The following RSL1D1 variants were observed in gnomAD, a reference collection of about 807,000 sequenced individuals.
RSL1D1 encodes ribosomal L1 domain containing 1.
In RSL1D1, 34 loss-of-function variants were observed where a neutral mutation model predicts 44.6. That is an observed-to-expected ratio of 0.76 (90% CI 0.58 to 1.02). The LOEUF (loss-of-function observed/expected upper bound fraction) is 1.02. Among genes scored for constraint, RSL1D1 ranks in the 50% least tolerant of loss-of-function variants. The pLI is 0.00. For synonymous variants in RSL1D1, 271 were observed against 207.4 expected (o/e 1.31, Z -2.63); for missense variants, 767 against 568.1 (o/e 1.35, Z -3.56).
Position 11,839,924 on chromosome 16 carries a change from CTCT to C in RSL1D1, c.914_916del (p.Lys305del), listed in dbSNP as rs778925486. On this transcript the variant is annotated inframe_deletion, in exon 8 of 9. Transcript: ENST00000571133. ...TGATGCAGTCTTCCTAGCCTGCTGC[CTCT>C]TCTTCTTCCTCTCCTTTTGTTTTTC... 1.8e-4 allele frequency: 295 copies of C among 1,613,788 alleles called. 3 individuals carry two copies. The Admixed American group carries it at 2.1e-3, about 12-fold the overall frequency.
chr16:11,836,181 T>A lies in RSL1D1; in HGVS notation c.*1606A>T, dbSNP rs2053716051. ...TTTGTTGGATTACCAATAAATAGTG[T>A]GGGCTCCCAGAGCTCACGGCCTTCA... On this transcript the variant is annotated 3_prime_UTR_variant, in exon 9 of 9. Coordinates refer to ENST00000571133, the MANE Select transcript of RSL1D1 (RefSeq NM_015659.3). 1 of 152,234 alleles carries A rather than the reference T, an allele frequency of 6.6e-6. No homozygotes were observed. The highest frequency in any genetic ancestry group is 2.4e-5 in the African/African-American group (1 of 41,462). The allele number at this position is 152,234 out of a possible 1,614,324, so 9.4% of individuals were successfully genotyped here.
In RSL1D1 at chr16:11,834,317, A is replaced by C. The variant is rs759437667; in HGVS notation, c.*3470T>G. 6.6e-5 allele frequency: 10 copies of C among 152,252 alleles called. No homozygotes were observed. The highest frequency in any genetic ancestry group is 1.2e-4 in the Non-Finnish European group (8 of 68,046). 9.4% of individuals were successfully genotyped at this position (152,252 alleles called of 1,614,324 possible). A position where few individuals can be genotyped will look rare whatever the true frequency, so the allele number is the denominator to read the frequency against. On this transcript the variant is annotated 3_prime_UTR_variant, in exon 9 of 9. Coordinates refer to ENST00000571133, the MANE Select transcript of RSL1D1 (RefSeq NM_015659.3). Reference sequence around the variant, plus strand: ...TACAGTACTCATTACATGTGTCAACACTTTATTATAAGATAGGTTTTATGT... The same window carrying C: ...TACAGTACTCATTACATGTGTCAACCCTTTATTATAAGATAGGTTTTATGT...
In RSL1D1 at chr16:11,849,373, C is replaced by G. The variant is rs1421508459; in HGVS notation, c.245+906G>C. ...ATTGTACTCCAGCTGGGCAACAGCG[C>G]AAGATCTCGTCTCTTAAAAAAAAAA... On this transcript the variant is annotated intron_variant, in intron 2 of 8. Coordinates refer to ENST00000571133, the MANE Select transcript of RSL1D1 (RefSeq NM_015659.3). 3 of 140,566 alleles carry G rather than the reference C, an allele frequency of 2.1e-5. No individual in the cohort carries two copies. The Admixed American group carries it at 2.3e-4, about 11-fold the overall frequency. 8.7% of individuals were successfully genotyped at this position (140,566 alleles called of 1,614,324 possible). A position where few individuals can be genotyped will look rare whatever the true frequency, so the allele number is the denominator to read the frequency against.
chr16:11,846,566 TAA>T lies in RSL1D1; in HGVS notation c.568_569del (p.Leu190IlefsTer6). ...PVSVNLLSKN[L>X]SREINDCIGG... ...CTATACAGTCATTGATCTCTCTTGA[TAA>T]ATTCTTGGACAGAAGGTTTACAGAT... On this transcript the variant is annotated frameshift_variant, in exon 5 of 9. Coordinates refer to ENST00000571133, the MANE Select transcript of RSL1D1 (RefSeq NM_015659.3). LOFTEE classifies it high-confidence loss of function. The T allele has an allele frequency of 6.2e-7, 1 of 1,608,910 alleles. No homozygotes were observed. The highest frequency in any genetic ancestry group is 8.5e-7 in the Non-Finnish European group (1 of 1,177,728).
intron 5 of RSL1D1, 88 bp downstream of exon 5, chr16:11,846,410 AAAC>A: frequency 1.3e-6 from 1 of 782,490 alleles, no homozygotes; most frequent in Non-Finnish European, 2.0e-6. Flanking sequence ...AAAAAAACAA[AAAC>A]AAAAAACAAA....
intron 5 of RSL1D1, among the ~76,000 whole-genome samples, chr16:11,844,610 G>C (rs971194478): frequency 6.6e-6 from 1 of 152,182 alleles, no homozygotes; most frequent in African/African-American, 2.4e-5. Context: ...CCAGTACCCT[G>C]CTCTGCTCTA....
rs1459541007 is a variant in RSL1D1, at chr16:11,847,794, A to G, written c.258T>C (p.His86=). The change falls in exon 3 of 9, where the codon CAT becomes CAC. Residue 86 remains histidine (H), a synonymous_variant. Transcript: ENST00000571133. ...TATCTTCTGAATCTGATCGAATACT[A>G]TGAGGCAAGGTCCTACAAAATACGT... The part of the protein sequence containing the change: ...KELRVRLTLP[H]SIRSDSEDIC... 1 of 1,613,280 alleles carries G rather than the reference A, an allele frequency of 6.2e-7. No homozygotes were observed. Among genetic ancestry groups the G allele is most frequent in the Non-Finnish European group, 8.5e-7 (1 of 1,179,734 alleles).
At chr16:11,845,329 T>C (rs2053790229) in intron 5 of RSL1D1, among the ~76,000 whole-genome samples, 1 of 152,196 alleles carries the variant, frequency 6.6e-6, no homozygotes, top group Non-Finnish European at 1.5e-5. Context: ...GATGTGTGTC[T>C]GTAGTCCCAG....
rs1206493522 is a variant in RSL1D1, at chr16:11,835,759, T to G, written c.*2028A>C. On this transcript the variant is annotated 3_prime_UTR_variant, in exon 9 of 9. Transcript: ENST00000571133. The stretch of plus-strand genomic sequence containing the variant: ...GCGTTCCAAAGTGCTGGGATTATGT[T>G]GCGAAAAGCTGAGTGTTGGGAGAAG... 2.0e-5 allele frequency: 3 copies of G among 152,398 alleles called. No individual in the cohort carries two copies. The highest frequency in any genetic ancestry group is 7.2e-5 in the African/African-American group (3 of 41,440). The allele number at this position is 152,398 out of a possible 1,614,324, so 9.4% of individuals were successfully genotyped here.
At chr16:11,840,155 A>C (rs981626388) in intron 7 of RSL1D1, among the ~76,000 whole-genome samples, 170 bp from the exon 8 acceptor site, 2 of 152,208 alleles carry the variant, frequency 1.3e-5, no homozygotes, top group Non-Finnish European at 2.9e-5. Context: ...GCAGTTTTTG[A>C]CTCACAGCCA....
At chr16:11,839,652 C>A in intron 8 of RSL1D1, 43 bp downstream of exon 8, 1 of 1,603,330 alleles carries the variant, frequency 6.2e-7, no homozygotes, top group South Asian at 1.1e-5. Flanking sequence ...ACACAGTAGC[C>A]ACTGAACCAA....
Position 11,836,778 on chromosome 16 carries a change from C to G in RSL1D1, c.*1009G>C, listed in dbSNP as rs896558825. ...GCTCAGCATGAAAGCCAAGAAACTT[C>G]TGTTTCTCCTAAATTCCGTAGCCGA... is the stretch of plus-strand genomic sequence containing the variant. On this transcript the variant is annotated 3_prime_UTR_variant, in exon 9 of 9. Transcript: ENST00000571133. The G allele has an allele frequency of 1.3e-5, 2 of 152,114 alleles. No homozygotes were observed. 9.4% of individuals were successfully genotyped at this position (152,114 alleles called of 1,614,324 possible). A position where few individuals can be genotyped will look rare whatever the true frequency, so the allele number is the denominator to read the frequency against.
rs546149861 is a variant in RSL1D1, at chr16:11,850,475, T to G, written c.106-57A>C. 307 of 1,537,076 alleles carry G rather than the reference T, an allele frequency of 2.0e-4. No homozygotes were observed. In the African/African-American group the frequency reaches 3.8e-3, roughly 19 times the overall value. On this transcript the variant is annotated intron_variant, in intron 1 of 8. Transcript: ENST00000571133. ...ATGTTTTCACAATAACTTACACAAA[T>G]AAATGAAATGTTCTCAATCTAATTT...
At chr16:11,850,646 C>A (rs953141668) in intron 1 of RSL1D1, among the ~76,000 whole-genome samples, 11 of 152,136 alleles carry the variant, frequency 7.2e-5, no homozygotes, top group African/African-American at 2.4e-4. Flanking sequence ...GTACCCACTT[C>A]CAGTACTGTG....
intron 2 of RSL1D1, among the ~76,000 whole-genome samples, chr16:11,849,577 T>C (rs1029349335): frequency 1.3e-5 from 2 of 152,170 alleles, no homozygotes; most frequent in Admixed American, 6.6e-5. Context: ...TTCTTTTCCA[T>C]AGACAGAAAT....
In RSL1D1 at chr16:11,837,724, C is replaced by T; in HGVS notation, c.*63G>A. On this transcript the variant is annotated 3_prime_UTR_variant, in exon 9 of 9. Coordinates refer to ENST00000571133, the MANE Select transcript of RSL1D1 (RefSeq NM_015659.3). Reference sequence around the variant, plus strand: ...AGAAGGTTACAAAGGCGGCCAGGATCTGAGTATTTCCAAAAAGCTCTGGAG... The same window carrying T: ...AGAAGGTTACAAAGGCGGCCAGGATTTGAGTATTTCCAAAAAGCTCTGGAG... 1 of 1,407,514 alleles carries T rather than the reference C, an allele frequency of 7.1e-7. No individual in the cohort carries two copies. Among genetic ancestry groups the T allele is most frequent in the Non-Finnish European group, 9.7e-7 (1 of 1,026,772 alleles). The allele number at this position is 1,407,514 out of a possible 1,614,324, so 87.2% of individuals were successfully genotyped here. A position where few individuals can be genotyped will look rare whatever the true frequency, so the allele number is the denominator to read the frequency against.
At chr16:11,850,028 T>G (rs959826221) in intron 2 of RSL1D1, among the ~76,000 whole-genome samples, 1 of 152,150 alleles carries the variant, frequency 6.6e-6, no homozygotes, top group African/African-American at 2.4e-5. Flanking sequence ...GGTTTTACCA[T>G]GTTGGCCAGG....
chr16:11,845,275 A>C (rs2053789846), intron 5 of RSL1D1, among the ~76,000 whole-genome samples: 1 of 152,170 alleles, frequency 6.6e-6, no homozygotes, highest in South Asian at 2.1e-4. Flanking sequence ...CAAAATAGTG[A>C]GACCCCGCCG....
Position 11,836,156 on chromosome 16 carries a change from T to C in RSL1D1, c.*1631A>G, listed in dbSNP as rs140138351. 84 of 152,360 alleles carry C rather than the reference T, an allele frequency of 5.5e-4. No individual in the cohort carries two copies. Among genetic ancestry groups the C allele is most frequent in the African/African-American group, 1.9e-3 (81 of 41,580 alleles). 9.4% of individuals were successfully genotyped at this position (152,360 alleles called of 1,614,324 possible). ...CCTTCACATTCTCACCATCTGTTTC[T>C]TTGTTGGATTACCAATAAATAGTGT... On this transcript the variant is annotated 3_prime_UTR_variant, in exon 9 of 9. Coordinates refer to ENST00000571133, the MANE Select transcript of RSL1D1 (RefSeq NM_015659.3).
Sources: allele counts gnomAD v4.1 joint callset (sites outside exome capture counted in the v4.1 genomes callset), GRCh38; gene constraint gnomAD v4.1.1; transcripts MANE v1.5; gene names NCBI Gene and HGNC (gene_info 2026-07-23, HGNC 2026-07-21).